The following SCN1A variants were observed in gnomAD, a reference collection of about 807,000 sequenced individuals.
The protein encoded by SCN1A is sodium channel protein type 1 subunit alpha.
SCN1A carries 13 observed loss-of-function variants against 193.7 expected under a neutral mutation model. That is an observed-to-expected ratio of 0.07 (90% confidence interval 0.04 to 0.11). The LOEUF (loss-of-function observed/expected upper bound fraction) is 0.11, where lower values mean the gene tolerates loss of function less well. SCN1A is among the 10% of genes least tolerant of loss of function. The pLI is 1.00. For missense variants in SCN1A, 1,432 were observed against 2,451.1 expected (o/e 0.58, Z 8.78); for synonymous variants, 781 against 843.6 (o/e 0.93, Z 1.29).
chr2:166,131,412 T>C (rs514358), upstream of SCN1A, among the ~76,000 whole-genome samples: 130,255 of 152,206 alleles, frequency 0.86, 55,899 homozygotes, highest in East Asian at 0.98. Flanking sequence ...CTCTGTCCTG[T>C]GAATGTGGTT....
chr2:166,051,462 A>T (rs1474688752), intron 9 of SCN1A, among the ~76,000 whole-genome samples: 1 of 152,062 alleles, frequency 6.6e-6, no homozygotes, highest in Admixed American at 6.6e-5. Context: ...TGAAAAGACC[A>T]AATATACATG....
Position 165,986,079 on chromosome 2 carries a change from T to C in SCN1A, c.*5166A>G, listed in dbSNP as rs1253759571. 6.6e-6 allele frequency: 1 copy of C among 152,122 alleles called. No homozygotes were observed. Among genetic ancestry groups the C allele is most frequent in the African/African-American group, 2.4e-5 (1 of 41,422 alleles). The allele number at this position is 152,122 out of a possible 1,614,324, so 9.4% of individuals were successfully genotyped here. A position where few individuals can be genotyped will look rare whatever the true frequency, so the allele number is the denominator to read the frequency against. On this transcript the variant is annotated 3_prime_UTR_variant, in exon 29 of 29. Coordinates refer to ENST00000674923, the MANE Select transcript of SCN1A (RefSeq NM_001165963.4). ...CGACACCAGGTTGCCAATTTTCCACTTGGCTAAATAAAATATTAAAACCAA... is the reference window on the plus strand; with the variant it reads ...CGACACCAGGTTGCCAATTTTCCACCTGGCTAAATAAAATATTAAAACCAA...
upstream of SCN1A, among the ~76,000 whole-genome samples, chr2:166,130,597 T>G (rs570678096): frequency 2.6e-5 from 4 of 152,366 alleles, no homozygotes; most frequent in Non-Finnish European, 5.9e-5. Flanking sequence ...TTTTTTCTTT[T>G]GTTAATTATA....
chr2:166,035,878 C>G (rs551370238), intron 19 of SCN1A, among the ~76,000 whole-genome samples, 170 bp downstream of exon 19: 1 of 151,596 alleles, frequency 6.6e-6, no homozygotes, highest in South Asian at 2.1e-4. Flanking sequence ...GATCAAAATT[C>G]AAAATTTAGA....
In SCN1A at chr2:166,002,678, T is replaced by C. The variant is rs780897732; in HGVS notation, c.4078A>G (p.Ile1360Val). The C allele has an allele frequency of 6.2e-7, 1 of 1,611,740 alleles. No individual in the cohort carries two copies. The highest frequency in any genetic ancestry group is 1.1e-5 in the South Asian group (1 of 91,004). ...VLLVCLIFWL[I>V]FSIMGVNLFA... ...AAATTTACGCCCATGATGCTGAAAATTAGCCAGAATATAAGACAAACCAGA... is the reference window on the plus strand; with the variant it reads ...AAATTTACGCCCATGATGCTGAAAACTAGCCAGAATATAAGACAAACCAGA... The change falls in exon 24 of 29, where the codon ATT becomes GTT. Residue 1360 changes from isoleucine to valine, a missense_variant. Physicochemically the swap from Ile to Val is conservative, Grantham distance 29 (BLOSUM62 3). Coordinates refer to ENST00000674923, the MANE Select transcript of SCN1A (RefSeq NM_001165963.4).
intron 19 of SCN1A, among the ~76,000 whole-genome samples, chr2:166,017,290 T>A (rs1199362315): frequency 1.3e-5 from 2 of 151,994 alleles, no homozygotes; most frequent in African/African-American, 4.8e-5. Flanking sequence ...CGGGTTGCAT[T>A]TAGCTTTGAC....
At chr2:166,015,473 T>A (rs2105627019) in intron 20 of SCN1A, 134 bp downstream of exon 20, 1 of 1,076,082 alleles carries the variant, frequency 9.3e-7, no homozygotes, top group East Asian at 2.5e-5. Context: ...TTTTTGTCTG[T>A]CAACATATTA....
At chr2:166,124,137 T>C (rs1690958091) in intron 2 of SCN1A, among the ~76,000 whole-genome samples, 1 of 152,214 alleles carries the variant, frequency 6.6e-6, no homozygotes, top group Admixed American at 6.5e-5. Context: ...TGTCCAACTC[T>C]ATCACCAGAC....
intron 2 of SCN1A, among the ~76,000 whole-genome samples, chr2:166,100,456 A>G (rs1687920998): frequency 6.6e-6 from 1 of 151,824 alleles, no homozygotes; most frequent in Non-Finnish European, 1.5e-5. Context: ...GGCATGGGCA[A>G]GGACCTCATG....
chr2:166,010,664 T>C (rs1553530150), intron 22 of SCN1A, among the ~76,000 whole-genome samples: 1 of 151,274 alleles, frequency 6.6e-6, no homozygotes, highest in Non-Finnish European at 1.5e-5. Context: ...ATGCTAGTAT[T>C]GGAGAATTCC....
chr2:166,093,366 T>C (rs776145273), intron 2 of SCN1A, among the ~76,000 whole-genome samples: 1 of 151,432 alleles, frequency 6.6e-6, no homozygotes, highest in Non-Finnish European at 1.5e-5. Flanking sequence ...TGAGATGGAG[T>C]CTCACTCTGT....
chr2:166,008,293 C>T (rs183406683), intron 23 of SCN1A, among the ~76,000 whole-genome samples: 1 of 151,218 alleles, frequency 6.6e-6, no homozygotes, highest in African/African-American at 2.4e-5. Flanking sequence ...ATTTAATAAA[C>T]TTTCAAATGG....
intron 19 of SCN1A, among the ~76,000 whole-genome samples, chr2:166,028,049 G>A (rs991716): frequency 0.48 from 72,255 of 151,920 alleles, 19,157 homozygotes; most frequent in East Asian, 0.7. Context: ...CATATTTACA[G>A]AATGTCAGTT....
At chr2:166,019,095 T>C in intron 19 of SCN1A, among the ~76,000 whole-genome samples, 1 of 152,186 alleles carries the variant, frequency 6.6e-6, no homozygotes, top group East Asian at 1.9e-4. Flanking sequence ...CTTCTCCAAA[T>C]TGTAAAACAT....
In SCN1A at chr2:165,998,040, T is replaced by C. The variant is rs1553522287; in HGVS notation, c.4474A>G (p.Lys1492Glu). The C allele has an allele frequency of 6.2e-7, 1 of 1,602,282 alleles. No individual in the cohort carries two copies. The highest frequency in any genetic ancestry group is 8.5e-7 in the Non-Finnish European group (1 of 1,171,208). The change falls in exon 26 of 29, where the codon AAG becomes GAG. Residue 1492 changes from lysine to glutamate, a missense_variant and splice_region_variant. Lys to Glu is a moderately conservative substitution (Grantham distance 56). Around this residue, in one of 18 missense-constraint regions of SCN1A, gnomAD observed 85 missense variants for 119.1 expected, o/e 0.71. Coordinates refer to ENST00000674923, the MANE Select transcript of SCN1A (RefSeq NM_001165963.4). ...IIDNFNQQKK[K>E]FGGQDIFMTE... is the part of the protein sequence containing the mutation. ...GAGAAAATATTAGAAATACTTATCT[T>C]CTTTTTCTGCTGGTTGAAATTATCT...
intron 7 of SCN1A, among the ~76,000 whole-genome samples, chr2:166,053,717 G>A (rs1698841617): frequency 6.6e-6 from 1 of 151,882 alleles, no homozygotes; most frequent in African/African-American, 2.4e-5. Flanking sequence ...GAGTGTATCA[G>A]TGCCACCTCT....
chr2:166,126,585 A>G (rs1691268880), intron 2 of SCN1A: 1 of 152,210 alleles, frequency 6.6e-6, no homozygotes, highest in Admixed American at 6.5e-5. Flanking sequence ...GGGATGATTT[A>G]AAGTGCTTTT....
At chr2:166,147,294 A>C (rs1196117958) in intron 1 of SCN1A, among the ~76,000 whole-genome samples, 1 of 152,234 alleles carries the variant, frequency 6.6e-6, no homozygotes, top group Non-Finnish European at 1.5e-5. Context: ...TCACTTTAAC[A>C]TAGATTAGTT....
chr2:166,142,218 C>A (rs190304771), intron 1 of SCN1A, among the ~76,000 whole-genome samples: 2 of 152,232 alleles, frequency 1.3e-5, no homozygotes, highest in African/African-American at 4.8e-5. Context: ...ACCGCATTCC[C>A]AAGGAATCCA....
Sources: allele counts gnomAD v4.1 joint callset (sites outside exome capture counted in the v4.1 genomes callset), GRCh38; gene constraint gnomAD v4.1.1; regional missense constraint gnomAD v4.1.1; transcripts MANE v1.5; gene names NCBI Gene and HGNC (gene_info 2026-07-23, HGNC 2026-07-21).